LAMA2: variants seen among roughly 807,000 people sequenced by gnomAD.
LAMA2 encodes the protein laminin subunit alpha 2, also known as laminin subunit alpha-2.
Under a neutral mutation model 364.8 loss-of-function variants are expected in LAMA2, and 269 were observed. The observed-to-expected ratio is 0.74, with a 90% CI of 0.67 to 0.82. The LOEUF (loss-of-function observed/expected upper bound fraction) is 0.82, where lower values mean the gene tolerates loss of function less well. LAMA2 is among the 40% of genes least tolerant of loss of function. LAMA2 has a pLI of 0.00. For synonymous variants in LAMA2, 1,379 were observed against 1,370.6 expected (o/e 1.01, Z -0.14); for missense variants, 3,807 against 3,873.2 (o/e 0.98, Z 0.45).
intron 1 of LAMA2, among the ~76,000 whole-genome samples, chr6:129,020,294 C>A (rs1395553871): frequency 6.6e-6 from 1 of 151,972 alleles, no homozygotes; most frequent in Non-Finnish European, 1.5e-5. Context: ...TATTCTGGGG[C>A]CACAACTATT....
intron 43 of LAMA2, among the ~76,000 whole-genome samples, chr6:129,441,954 G>A (rs188522540): frequency 6.6e-6 from 1 of 152,138 alleles, no homozygotes; most frequent in East Asian, 1.9e-4. Context: ...CTGCACTCCA[G>A]CCTGGGTGGC....
chr6:129,264,676 T>C (rs754717697), intron 15 of LAMA2, among the ~76,000 whole-genome samples: 89 of 152,184 alleles, frequency 5.8e-4, no homozygotes, highest in Middle Eastern at 3.4e-3. Context: ...CAAAGAAATA[T>C]GCTAGAAATT....
At chr6:129,386,731 G>A (rs1346428974) in intron 35 of LAMA2, among the ~76,000 whole-genome samples, 1 of 152,162 alleles carries the variant, frequency 6.6e-6, no homozygotes, top group Non-Finnish European at 1.5e-5. Context: ...GTGTCCCGAT[G>A]AGGCCATATT....
intron 28 of LAMA2, 114 bp from the exon 29 acceptor site, chr6:129,328,164 C>T (rs1330605153): frequency 4.6e-6 from 4 of 877,070 alleles, no homozygotes; most frequent in Non-Finnish European, 7.7e-6. Context: ...AGTGATGTTG[C>T]CCCTGCCGCA....
Position 129,028,191 on chromosome 6 carries a change from A to G in LAMA2, c.113-21727A>G, listed in dbSNP as rs1034949600. Among the ~76,000 whole-genome samples, 8 of 152,058 alleles carry G rather than the reference A, an allele frequency of 5.3e-5. No homozygotes were observed. In the South Asian group the frequency reaches 1.0e-3, roughly 20 times the overall value. On this transcript the variant is annotated intron_variant, in intron 1 of 64. Coordinates refer to ENST00000421865, the MANE Select transcript of LAMA2 (RefSeq NM_000426.4). The stretch of plus-strand genomic sequence containing the variant: ...GTCAGCTGCAAAATAAAGTAAATAC[A>G]CATACACATACACTACATACATGCT...
At chr6:129,471,292 T>C (rs1270605545) in intron 51 of LAMA2, among the ~76,000 whole-genome samples, 4 of 151,962 alleles carry the variant, frequency 2.6e-5, no homozygotes, top group African/African-American at 9.7e-5. Flanking sequence ...TCATGAAGGA[T>C]AGAGTAAAGC....
intron 12 of LAMA2, among the ~76,000 whole-genome samples, chr6:129,233,630 G>T (rs1784808141): frequency 6.6e-6 from 1 of 152,042 alleles, no homozygotes; most frequent in African/African-American, 2.4e-5. Context: ...GAAGAGGAGG[G>T]GTTGGTCTTG....
chr6:129,177,941 T>C, intron 10 of LAMA2, 75 bp downstream of exon 10: 1 of 1,465,194 alleles, frequency 6.8e-7, no homozygotes, highest in Non-Finnish European at 9.5e-7. Flanking sequence ...GTTGATTTCC[T>C]TGGCATTAAG....
At chr6:129,158,718 G>T (rs749673762) in intron 8 of LAMA2, 17 of 1,614,162 alleles carry the variant, frequency 1.1e-5, no homozygotes, top group Non-Finnish European at 1.4e-5. Flanking sequence ...CATGTGGGTT[G>T]CAAATACTGG....
chr6:129,200,150 ACG>A (rs1426602985), intron 12 of LAMA2, among the ~76,000 whole-genome samples: 7 of 98,882 alleles, frequency 7.1e-5, no homozygotes, highest in African/African-American at 1.8e-4. Context: ...ACACATATAC[ACG>A]TGTATATATA....
chr6:128,964,692 CACTTGAAATCCAAA>C (rs1781733042), intron 1 of LAMA2, among the ~76,000 whole-genome samples: 1 of 152,004 alleles, frequency 6.6e-6, no homozygotes, highest in South Asian at 2.1e-4. Flanking sequence ...ACAGATGTAT[CACTTGAAATCCAAA>C]ACACATACTA....
At chr6:129,218,004 T>C (rs931300945) in intron 12 of LAMA2, among the ~76,000 whole-genome samples, 5 of 152,142 alleles carry the variant, frequency 3.3e-5, no homozygotes, top group Non-Finnish European at 7.4e-5. Context: ...AAACATCAGA[T>C]TTTCATTGCC....
At chr6:129,272,527 C>T (rs1207918459) in intron 17 of LAMA2, among the ~76,000 whole-genome samples, 1 of 152,050 alleles carries the variant, frequency 6.6e-6, no homozygotes, top group Admixed American at 6.6e-5. Flanking sequence ...CATGTGCTTT[C>T]CAAATCTCTA....
intron 55 of LAMA2, among the ~76,000 whole-genome samples, chr6:129,485,141 T>C (rs991153421): frequency 5.9e-5 from 9 of 152,170 alleles, no homozygotes; most frequent in Non-Finnish European, 1.3e-4. Flanking sequence ...AAGCTAGTTA[T>C]AATAAGAATA....
At position 129,279,961 on chromosome 6, in the gene LAMA2, T is replaced by C. The variant is rs1788605660; in HGVS notation, c.2451-100T>C. On this transcript the variant is annotated intron_variant, in intron 17 of 64. Coordinates refer to ENST00000421865, the MANE Select transcript of LAMA2 (RefSeq NM_000426.4). The stretch of plus-strand genomic sequence containing the variant: ...GTGAGAATGACCAGCCTGTACTCTT[T>C]TGTCAGAGCAGTAGTGGAGAGAGAG... The C allele has an allele frequency of 6.2e-6, 5 of 807,442 alleles. No individual in the cohort carries two copies. In the South Asian group the frequency reaches 7.1e-5, roughly 11 times the overall value. The allele number at this position is 807,442 out of a possible 1,614,324, so 50.0% of individuals were successfully genotyped here.
chr6:128,974,871 A>G (rs1182256898), intron 1 of LAMA2, among the ~76,000 whole-genome samples: 1 of 123,998 alleles, frequency 8.1e-6, no homozygotes, highest in Admixed American at 8.1e-5. Flanking sequence ...TTTTTTTTTG[A>G]GAAGGAGTCT....
intron 12 of LAMA2, among the ~76,000 whole-genome samples, chr6:129,202,493 TG>T (rs1474150448): frequency 3.3e-5 from 5 of 152,072 alleles, no homozygotes; most frequent in African/African-American, 1.2e-4. Context: ...GGTACCACCT[TG>T]GAAGCAGAGA....
chr6:129,098,512 T>C, intron 4 of LAMA2, 97 bp downstream of exon 4: 1 of 1,402,906 alleles, frequency 7.1e-7, no homozygotes, highest in Non-Finnish European at 1.0e-6. Context: ...TCAGGGAGAT[T>C]TTAAAATAGG....
At chr6:128,929,446 G>A (rs1779306886) in intron 1 of LAMA2, 2 of 839,668 alleles carry the variant, frequency 2.4e-6, no homozygotes, top group Non-Finnish European at 4.2e-6. Flanking sequence ...GGAGTGGACG[G>A]TGAGTCTCAG....
Sources: allele counts gnomAD v4.1 joint callset (sites outside exome capture counted in the v4.1 genomes callset), GRCh38; gene constraint gnomAD v4.1.1; transcripts MANE v1.5; gene names NCBI Gene and HGNC (gene_info 2026-07-23, HGNC 2026-07-21).